Variants in DDX20 observed in about 807,000 individuals in gnomAD.
The protein encoded by DDX20 is DEAD-box helicase 20.
In DDX20, 61 loss-of-function variants were observed where a neutral mutation model predicts 76.4. The ratio of observed to expected loss-of-function variants is 0.80; its 90% CI spans 0.65 to 0.99. The LOEUF (loss-of-function observed/expected upper bound fraction) is 0.99. Among genes scored for constraint, DDX20 ranks in the 50% least tolerant of loss-of-function variants. The probability of loss-of-function intolerance (pLI) is 0.00; values close to 1 mark genes in which losing one functional copy is unlikely to be tolerated. For synonymous variants in DDX20, 357 were observed against 357.4 expected (o/e 1.00, Z 0.01); for missense variants, 976 against 996.8 (o/e 0.98, Z 0.28).
Position 111,765,962 on chromosome 1 carries a change from A to G in DDX20, c.1538A>G (p.Lys513Arg). The change falls in exon 11 of 11, where the codon AAA becomes AGA. Residue 513 changes from lysine (K) to arginine (R), a missense_variant. Physicochemically the swap from Lys to Arg is conservative, Grantham distance 26 (BLOSUM62 2). This residue lies in a region of DDX20 where 630 missense variants were observed against 693.7 expected (regional missense o/e 0.91). Coordinates refer to ENST00000369702, the MANE Select transcript of DDX20 (RefSeq NM_007204.5). ...TCAGTCAAATCAAAAAATAATACCA[A>G]ACAAAAGCTTCCTGTGAAAAGCCAC... ...GLSVKSKNNT[K>R]QKLPVKSHSE... 6.2e-7 allele frequency: 1 copy of G among 1,613,518 alleles called. No homozygotes were observed. The highest frequency in any genetic ancestry group is 8.5e-7 in the Non-Finnish European group (1 of 1,179,890).
chr1:111,760,801 G>A lies in DDX20; in HGVS notation c.776G>A (p.Arg259Lys). 6.2e-7 allele frequency: 1 copy of A among 1,613,834 alleles called. No homozygotes were observed. The highest frequency in any genetic ancestry group is 1.3e-5 in the African/African-American group (1 of 75,026). Reference sequence around the variant, plus strand: ...GCTAATGCTTTGACAAAGTACATGAGAGATCCCACTTTTGTAAGACTGAAT... The same window carrying A: ...GCTAATGCTTTGACAAAGTACATGAAAGATCCCACTTTTGTAAGACTGAAT... ...FLANALTKYM[R>K]DPTFVRLNSS... is the part of the protein sequence containing the mutation. The change falls in exon 5 of 11, where the codon AGA becomes AAA. Residue 259 changes from arginine (R) to lysine (K), a missense_variant. This residue lies in a region of DDX20 where 630 missense variants were observed against 693.7 expected (regional missense o/e 0.91). Transcript: ENST00000369702.
rs1216820245 is a variant in DDX20, at chr1:111,767,121, T to A, written c.*222T>A. Reference sequence around the variant, plus strand: ...GTTTCTTTAAGAAACTTCATCAGATTGTTGAAAGATAATTTTTGGGACATA... The same window carrying A: ...GTTTCTTTAAGAAACTTCATCAGATAGTTGAAAGATAATTTTTGGGACATA... On this transcript the variant is annotated 3_prime_UTR_variant, in exon 11 of 11. Transcript: ENST00000369702. 2 of 367,316 alleles carry A rather than the reference T, an allele frequency of 5.4e-6. No homozygotes were observed. The highest frequency in any genetic ancestry group is 4.2e-5 in the African/African-American group (2 of 47,858). 22.8% of individuals were successfully genotyped at this position (367,316 alleles called of 1,614,324 possible).
intron 1 of DDX20, 63 bp from the exon 2 acceptor site, chr1:111,756,582 CA>C (rs1482780379): frequency 7.2e-7 from 1 of 1,386,714 alleles, no homozygotes; most frequent in Non-Finnish European, 1.0e-6. Flanking sequence ...TCTCTGATTC[CA>C]TGTTAGCCCC....
chr1:111,766,961 C>G lies in DDX20; in HGVS notation c.*62C>G. ...CAAATGATACCTTTGGATATCCATC[C>G]TCCTCGACTTATAGTACAGTGGTGT... On this transcript the variant is annotated 3_prime_UTR_variant, in exon 11 of 11. Coordinates refer to ENST00000369702, the MANE Select transcript of DDX20 (RefSeq NM_007204.5). 7.4e-7 allele frequency: 1 copy of G among 1,344,918 alleles called. No individual in the cohort carries two copies. Among genetic ancestry groups the G allele is most frequent in the South Asian group, 1.3e-5 (1 of 77,128 alleles). 83.3% of individuals were successfully genotyped at this position (1,344,918 alleles called of 1,614,324 possible).
chr1:111,762,984 A>G lies in DDX20; in HGVS notation c.1289A>G (p.Asn430Ser), dbSNP rs1291404678. The G allele has an allele frequency of 5.0e-6, 8 of 1,613,494 alleles. No homozygotes were observed. The highest frequency in any genetic ancestry group is 1.7e-5 in the Admixed American group (1 of 60,012). The change falls in exon 10 of 11, where the codon AAT becomes AGT. Residue 430 changes from asparagine (N) to serine (S), a missense_variant. This residue lies in a region of DDX20 where 630 missense variants were observed against 693.7 expected (regional missense o/e 0.91). Coordinates refer to ENST00000369702, the MANE Select transcript of DDX20 (RefSeq NM_007204.5). Reference protein sequence around the residue: ...NMMMRIAQKCNINLLPLPDPI... With the variant: ...NMMMRIAQKCSINLLPLPDPI... ...ATGATGAGAATTGCCCAGAAATGTA[A>G]TATCAACCTTCTCCCTTTACCAGGT...
rs1663786302 is a variant in DDX20, at chr1:111,766,601, G to A, written c.2177G>A (p.Gly726Glu). The A allele has an allele frequency of 6.2e-7, 1 of 1,614,146 alleles. No individual in the cohort carries two copies. The highest frequency in any genetic ancestry group is 8.5e-7 in the Non-Finnish European group (1 of 1,180,016). ...CAGATGAAGACAAGACTTAAAGAGG[G>A]GGCTAGCCAGAGAGCTAAGCAGAGC... ...GIQMKTRLKEGASQRAKQSRR... is the reference protein window; with the variant it reads ...GIQMKTRLKEEASQRAKQSRR... The change falls in exon 11 of 11, where the codon GGG becomes GAG. Residue 726 changes from glycine to glutamate, a missense_variant. Gly to Glu is a moderately conservative substitution (Grantham distance 98). This residue lies in a region of DDX20 where 630 missense variants were observed against 693.7 expected (regional missense o/e 0.91). Transcript: ENST00000369702.
At chr1:111,763,305 CT>C (rs1277790711) in intron 10 of DDX20, among the ~76,000 whole-genome samples, 1 of 152,200 alleles carries the variant, frequency 6.6e-6, no homozygotes, top group Non-Finnish European at 1.5e-5. Context: ...GGCGCAGTGG[CT>C]CACGCCTGTA....
chr1:111,762,886 A>G lies in DDX20; in HGVS notation c.1211-20A>G. 1.2e-6 allele frequency: 2 copies of G among 1,606,654 alleles called. No individual in the cohort carries two copies. Among genetic ancestry groups the G allele is most frequent in the Non-Finnish European group, 1.7e-6 (2 of 1,173,314 alleles). ...TTTTTGTGAAAATGATTTACTACCT[A>G]ACATTCTCTCTGCTTTTAGGTACAT... On this transcript the variant is annotated intron_variant, in intron 9 of 10. Coordinates refer to ENST00000369702, the MANE Select transcript of DDX20 (RefSeq NM_007204.5).
chr1:111,765,950 A>C lies in DDX20; in HGVS notation c.1526A>C (p.Lys509Thr). The change falls in exon 11 of 11, where the codon AAA (lysine) becomes ACA (threonine). Residue 509 changes from lysine to threonine, a missense_variant. Physicochemically the swap from Lys to Thr is moderately conservative, Grantham distance 78. Coordinates refer to ENST00000369702, the MANE Select transcript of DDX20 (RefSeq NM_007204.5). ...GTATCTGGACTATCAGTCAAATCAAAAAATAATACCAAACAAAAGCTTCCT... is the reference window on the plus strand; with the variant it reads ...GTATCTGGACTATCAGTCAAATCAACAAATAATACCAAACAAAAGCTTCCT... ...NSVSGLSVKS[K>T]NNTKQKLPVK... The C allele has an allele frequency of 6.2e-7, 1 of 1,613,372 alleles. No individual in the cohort carries two copies. Among genetic ancestry groups the C allele is most frequent in the Middle Eastern group, 1.7e-4 (1 of 6,060 alleles).
chr1:111,764,323 T>C (rs1216503012), intron 10 of DDX20, among the ~76,000 whole-genome samples: 1 of 152,146 alleles, frequency 6.6e-6, no homozygotes, highest in African/African-American at 2.4e-5. Context: ...TATACATGAC[T>C]TTGCAGAATA....
chr1:111,757,415 G>T (rs1663583749), intron 2 of DDX20, among the ~76,000 whole-genome samples: 1 of 152,178 alleles, frequency 6.6e-6, no homozygotes, highest in Non-Finnish European at 1.5e-5. Context: ...GGTTGTCTTA[G>T]AGTGTTTCTA....
chr1:111,755,996 C>G lies in DDX20; in HGVS notation c.72C>G (p.Ala24=). 1.2e-6 allele frequency: 2 copies of G among 1,606,384 alleles called. No individual in the cohort carries two copies. The highest frequency in any genetic ancestry group is 1.7e-6 in the Non-Finnish European group (2 of 1,175,486). Residue 24 remains alanine (A), a synonymous_variant, in exon 1 of 11, where the codon GCC becomes GCG. Coordinates refer to ENST00000369702, the MANE Select transcript of DDX20 (RefSeq NM_007204.5). ...VATAMPAEHV[A]VQVPAPEPTP... is the part of the protein sequence containing the mutation. ...CTGCTATGCCGGCTGAGCATGTGGC[C>G]GTGCAGGTCCCGGCCCCAGAGCCAA...
At position 111,766,878 on chromosome 1, in the gene DDX20, AATG is replaced by A. The variant is rs1397715366; in HGVS notation, c.2458_2460del (p.Met820del). 6.2e-7 allele frequency: 1 copy of A among 1,610,684 alleles called. No individual in the cohort carries two copies. On this transcript the variant is annotated inframe_deletion, in exon 11 of 11. Coordinates refer to ENST00000369702, the MANE Select transcript of DDX20 (RefSeq NM_007204.5). ...ACATGAATACCATTTATCTACAAGA[AATG>A]ATGCATAGTAACCAGTGATTATAGG...
rs1441883938 is a variant in DDX20, at chr1:111,766,227, T to C, written c.1803T>C (p.Tyr601=). Residue 601 remains tyrosine (Y), a synonymous_variant, in exon 11 of 11, where the codon TAT becomes TAC. Transcript: ENST00000369702. The part of the protein sequence containing the change: ...FAELVEDYEH[Y]IKEGLEKPVE... ...AATTGGTAGAGGATTATGAACATTA[T>C]ATTAAAGAGGGGTTAGAGAAACCTG... 1 of 1,614,148 alleles carries C rather than the reference T, an allele frequency of 6.2e-7. No individual in the cohort carries two copies. Among genetic ancestry groups the C allele is most frequent in the South Asian group, 1.1e-5 (1 of 91,080 alleles).
chr1:111,766,922 T>C lies in DDX20; in HGVS notation c.*23T>C. 1.3e-6 allele frequency: 2 copies of C among 1,549,824 alleles called. No homozygotes were observed. The highest frequency in any genetic ancestry group is 1.8e-6 in the Non-Finnish European group (2 of 1,136,732). On this transcript the variant is annotated 3_prime_UTR_variant, in exon 11 of 11. Coordinates refer to ENST00000369702, the MANE Select transcript of DDX20 (RefSeq NM_007204.5). ...TGATTATAGGATATACCTGAGACCA[T>C]CAGGAACTGTCAACAAATGATACCT...
Position 111,755,969 on chromosome 1 carries a change from G to T in DDX20, c.45G>T (p.Ala15=), listed in dbSNP as rs115027355. 9 of 1,596,512 alleles carry T rather than the reference G, an allele frequency of 5.6e-6. No individual in the cohort carries two copies. The highest frequency in any genetic ancestry group is 7.7e-6 in the Non-Finnish European group (9 of 1,167,962). The change falls in exon 1 of 11, where the codon GCG becomes GCT. Residue 15 remains alanine, a synonymous_variant. Transcript: ENST00000369702. ...FEASGALAAV[A]TAMPAEHVAV... Reference sequence around the variant, plus strand: ...CCTCGGGAGCCTTAGCAGCAGTGGCGACTGCTATGCCGGCTGAGCATGTGG... The same window carrying T: ...CCTCGGGAGCCTTAGCAGCAGTGGCTACTGCTATGCCGGCTGAGCATGTGG...
chr1:111,761,177 C>T lies in DDX20; in HGVS notation c.963-49C>T, dbSNP rs1278827181. The T allele has an allele frequency of 1.9e-6, 3 of 1,611,732 alleles. No individual in the cohort carries two copies. In the South Asian group the frequency reaches 3.3e-5, roughly 18 times the overall value. ...GGAACTTGTGAAATAAAAGGATAGT[C>T]ATGGGGCAATATTTGTAAATTTGTA... On this transcript the variant is annotated intron_variant, in intron 6 of 10. Coordinates refer to ENST00000369702, the MANE Select transcript of DDX20 (RefSeq NM_007204.5).
In DDX20 at chr1:111,756,176, GC is replaced by G; in HGVS notation, c.255del (p.Ser86ArgfsTer17). 1 of 1,535,664 alleles carries G rather than the reference GC, an allele frequency of 6.5e-7. No individual in the cohort carries two copies. On this transcript the variant is annotated frameshift_variant, in exon 1 of 11. Coordinates refer to ENST00000369702, the MANE Select transcript of DDX20 (RefSeq NM_007204.5). LOFTEE classifies it high-confidence loss of function. ...GGCTGCGGGCGGCCGGCTTCGAGAG[GC>G]CCTCGCCGGTGCAGCTCAAGGCCAT... Reference protein sequence around the residue: ...EGLRAAGFERPSPVQLKAIPL... With the variant: ...EGLRAAGFERXSPVQLKAIPL...
At chr1:111,761,347 AG>A in intron 7 of DDX20, 63 bp downstream of exon 7, 1 of 1,367,428 alleles carries the variant, frequency 7.3e-7, no homozygotes, top group African/African-American at 1.5e-5. Context: ...CAAAGTCAGG[AG>A]GAAAAAATAC....
Sources: gnomAD v4.1 joint callset for allele counts (sites outside exome capture counted in the v4.1 genomes callset) on GRCh38, gnomAD v4.1.1 for gene constraint, gnomAD v4.1.1 regional missense constraint, MANE v1.5 for transcripts, NCBI Gene and HGNC (gene_info 2026-07-23, HGNC 2026-07-21) for gene names.